The following THSD7B variants were observed in gnomAD, a reference collection of about 807,000 sequenced individuals.
The protein encoded by THSD7B is thrombospondin type-1 domain-containing protein 7B.
Under a neutral mutation model 213.6 loss-of-function variants are expected in THSD7B, and 138 were observed. The ratio of observed to expected loss-of-function variants is 0.65; its 90% CI spans 0.56 to 0.74. The LOEUF (loss-of-function observed/expected upper bound fraction) is 0.74. Ranked by LOEUF, THSD7B falls within the 30% of genes least tolerant of loss-of-function variation. The pLI is 0.00. For missense variants in THSD7B, 1,931 were observed against 1,991.5 expected (o/e 0.97, Z 0.58); for synonymous variants, 742 against 687.0 (o/e 1.08, Z -1.25).
chr2:137,534,013 TGCGC>T (rs551702770), intron 15 of THSD7B, among the ~76,000 whole-genome samples: 13 of 146,302 alleles, frequency 8.9e-5, no homozygotes, highest in East Asian at 4.0e-4. Flanking sequence ...TGTGTGTGTG[TGCGC>T]GCACACACAC....
At chr2:137,358,971 C>G (rs1685195981) in intron 12 of THSD7B, among the ~76,000 whole-genome samples, 1 of 152,174 alleles carries the variant, frequency 6.6e-6, no homozygotes, top group Non-Finnish European at 1.5e-5. Context: ...TATGGGCATT[C>G]ATCAGAGATC....
chr2:137,477,161 C>A (rs1451528785), intron 15 of THSD7B, among the ~76,000 whole-genome samples: 1 of 152,154 alleles, frequency 6.6e-6, no homozygotes, highest in Admixed American at 6.5e-5. Context: ...TCCTGTAGAT[C>A]TAATATTTGC....
At chr2:136,874,049 A>G (rs1683486606) in intron 1 of THSD7B, among the ~76,000 whole-genome samples, 1 of 152,234 alleles carries the variant, frequency 6.6e-6, no homozygotes, top group African/African-American at 2.4e-5. Context: ...AAGTGAAATT[A>G]TTTGATATAA....
chr2:137,356,707 G>GGAA (rs1343734837), intron 12 of THSD7B, among the ~76,000 whole-genome samples: 3 of 152,114 alleles, frequency 2.0e-5, no homozygotes, highest in Admixed American at 2.0e-4. Context: ...AAAACCACAT[G>GGAA]GAAGAGACGC....
At chr2:137,383,537 G>T (rs1180755835) in intron 12 of THSD7B, among the ~76,000 whole-genome samples, 1 of 152,192 alleles carries the variant, frequency 6.6e-6, no homozygotes, top group Non-Finnish European at 1.5e-5. Flanking sequence ...CAGACATCTG[G>T]TCCAGTGTGA....
chr2:137,494,144 C>A lies in THSD7B; in HGVS notation c.3138+43121C>A, dbSNP rs573485362. On this transcript the variant is annotated intron_variant, in intron 15 of 27. Coordinates refer to ENST00000409968, the MANE Select transcript of THSD7B (RefSeq NM_001316349.2). The stretch of plus-strand genomic sequence containing the variant: ...GTTAACAGAAAGTTACTAATTTAAT[C>A]TTTCCTGTGGAAAATAGCTTACAAT... Among the ~76,000 whole-genome samples the A allele has an allele frequency of 1.2e-4, 19 of 152,270 alleles. No homozygotes were observed. In the East Asian group the frequency reaches 3.7e-3, roughly 29 times the overall value.
intron 1 of THSD7B, among the ~76,000 whole-genome samples, chr2:136,880,330 G>T (rs1160559423): frequency 6.6e-6 from 1 of 151,960 alleles, no homozygotes; most frequent in Non-Finnish European, 1.5e-5. Flanking sequence ...TAATTGTGTG[G>T]GTATATATTT....
chr2:136,913,753 G>T (rs952287635), intron 2 of THSD7B, among the ~76,000 whole-genome samples: 1 of 152,226 alleles, frequency 6.6e-6, no homozygotes, highest in Non-Finnish European at 1.5e-5. Flanking sequence ...TTAAGGTTTG[G>T]AAACCTCTGC....
chr2:137,230,298 G>T (rs1422996164), intron 7 of THSD7B, among the ~76,000 whole-genome samples: 1 of 152,072 alleles, frequency 6.6e-6, no homozygotes, highest in Non-Finnish European at 1.5e-5. Flanking sequence ...CTATGATATG[G>T]TATCAAAGGA....
chr2:137,375,028 A>G (rs1287748895), intron 12 of THSD7B, among the ~76,000 whole-genome samples: 1 of 152,202 alleles, frequency 6.6e-6, no homozygotes, highest in Non-Finnish European at 1.5e-5. Flanking sequence ...TGAAGACTTG[A>G]AGCAAATGTG....
At position 137,294,399 on chromosome 2, in the gene THSD7B, A is replaced by G. The variant is rs964847738; in HGVS notation, c.2500+18373A>G. On this transcript the variant is annotated intron_variant, in intron 12 of 27. Coordinates refer to ENST00000409968, the MANE Select transcript of THSD7B (RefSeq NM_001316349.2). Reference sequence around the variant, plus strand: ...AGAGTTCGAGACCAGCCTGGCCAACATGGTGAAACCCCGTCTCTAATAAAA... The same window carrying G: ...AGAGTTCGAGACCAGCCTGGCCAACGTGGTGAAACCCCGTCTCTAATAAAA... Among the ~76,000 whole-genome samples the G allele has an allele frequency of 1.2e-4, 18 of 152,068 alleles. 1 individual carries two copies. Among genetic ancestry groups the G allele is most frequent in the African/African-American group, 4.3e-4 (18 of 41,498 alleles).
At chr2:137,666,695 A>T (rs1003976548) in intron 26 of THSD7B, among the ~76,000 whole-genome samples, 1 of 152,102 alleles carries the variant, frequency 6.6e-6, no homozygotes, top group African/African-American at 2.4e-5. Context: ...TGTCAGTCCA[A>T]TTCTAAGTTT....
intron 1 of THSD7B, among the ~76,000 whole-genome samples, chr2:136,865,825 T>C (rs551450725): frequency 5.8e-4 from 89 of 152,298 alleles, no homozygotes; most frequent in African/African-American, 2.1e-3. Flanking sequence ...CTACTGTATG[T>C]TTTTAAGTAG....
intron 12 of THSD7B, among the ~76,000 whole-genome samples, chr2:137,341,143 A>G (rs1181694278): frequency 6.6e-6 from 1 of 151,604 alleles, no homozygotes; most frequent in East Asian, 1.9e-4. Context: ...TAGCCATTCT[A>G]ATATGTGAGA....
intron 20 of THSD7B, among the ~76,000 whole-genome samples, chr2:137,625,668 C>A (rs1573750976): frequency 6.6e-6 from 1 of 152,154 alleles, no homozygotes; most frequent in East Asian, 1.9e-4. Context: ...TTGCTGAGTG[C>A]AGCTCATGTG....
intron 3 of THSD7B, among the ~76,000 whole-genome samples, chr2:137,059,705 T>C (rs1281582041): frequency 3.9e-5 from 6 of 152,232 alleles, no homozygotes; most frequent in African/African-American, 1.2e-4. Context: ...GTTTGTGACT[T>C]GGTAGCTTAT....
chr2:137,112,097 T>C (rs1468347435), intron 4 of THSD7B, among the ~76,000 whole-genome samples: 2 of 152,082 alleles, frequency 1.3e-5, no homozygotes, highest in African/African-American at 4.8e-5. Context: ...GGGAGTAACG[T>C]TTAGCTGAGT....
intron 2 of THSD7B, among the ~76,000 whole-genome samples, chr2:136,898,729 G>A (rs186644485): frequency 0.013 from 1,995 of 147,946 alleles, 61 homozygotes; most frequent in African/African-American, 0.048. Flanking sequence ...TGCAACCTCC[G>A]CCTCCCAGGT....
rs879315935 is a variant in THSD7B at position 136,823,081 on chromosome 2, G to A, written c.-36+57394G>A. ...TAGAGCAATGATAGGCACAGCACAC[G>A]CTTTCTGGTTAGTTGGTTGGTTATT... On this transcript the variant is annotated intron_variant, in intron 1 of 27. Transcript: ENST00000409968. Among the ~76,000 whole-genome samples the A allele has an allele frequency of 1.2e-4, 18 of 152,140 alleles. 1 individual carries two copies. The highest frequency in any genetic ancestry group is 1.1e-3 in the Admixed American group (17 of 15,262).
Sources: allele counts gnomAD v4.1 joint callset (sites outside exome capture counted in the v4.1 genomes callset), GRCh38; gene constraint gnomAD v4.1.1; transcripts MANE v1.5; gene names NCBI Gene and HGNC (gene_info 2026-07-23, HGNC 2026-07-21).